The following RBFOX1 variants were observed in gnomAD, a reference collection of about 807,000 sequenced individuals.
The protein encoded by RBFOX1 is RNA binding protein fox-1 homolog 1.
In RBFOX1, 8 loss-of-function variants were observed where a neutral mutation model predicts 57.7. The ratio of observed to expected loss-of-function variants is 0.14; its 90% CI spans 0.08 to 0.25. The LOEUF (loss-of-function observed/expected upper bound fraction) is 0.25. Among genes scored for constraint, RBFOX1 ranks in the 10% least tolerant of loss-of-function variants. RBFOX1 has a pLI of 1.00. For synonymous variants in RBFOX1, 326 were observed against 222.4 expected (o/e 1.47, Z -4.15); for missense variants, 611 against 548.5 (o/e 1.11, Z -1.14).
At chr16:5,528,121 G>C (rs1273601223) in intron 2 of RBFOX1, among the ~76,000 whole-genome samples, 1 of 152,150 alleles carries the variant, frequency 6.6e-6, no homozygotes, top group Non-Finnish European at 1.5e-5. Context: ...CATGATTTCA[G>C]AGTGTCTGAA....
intron 14 of RBFOX1, among the ~76,000 whole-genome samples, chr16:7,704,657 G>T (rs1377739064): frequency 6.6e-6 from 1 of 152,182 alleles, no homozygotes; most frequent in African/African-American, 2.4e-5. Context: ...CGTTCCAGGA[G>T]GGTGAAAGGT....
intron 4 of RBFOX1, among the ~76,000 whole-genome samples, chr16:6,000,984 G>C (rs1392820085): frequency 1.3e-5 from 2 of 152,054 alleles, no homozygotes; most frequent in Non-Finnish European, 2.9e-5. Flanking sequence ...TGGGTGGATG[G>C]ATAGCTGGGT....
intron 2 of RBFOX1, among the ~76,000 whole-genome samples, chr16:5,496,603 G>A (rs1377280092): frequency 6.6e-6 from 1 of 152,112 alleles, no homozygotes; most frequent in Non-Finnish European, 1.5e-5. Context: ...AGTCACAGAT[G>A]TCGGCCACAG....
intron 4 of RBFOX1, among the ~76,000 whole-genome samples, chr16:7,377,729 C>G (rs1191619437): frequency 6.6e-6 from 1 of 152,146 alleles, no homozygotes. Context: ...ATTTCAGGCA[C>G]CAGAGACACA....
intron 3 of RBFOX1, among the ~76,000 whole-genome samples, chr16:6,842,809 TCTCC>T: frequency 6.6e-6 from 1 of 152,156 alleles, no homozygotes; most frequent in East Asian, 1.9e-4. Flanking sequence ...GTCCTAATGC[TCTCC>T]CTCCATGTTC....
intron 5 of RBFOX1, among the ~76,000 whole-genome samples, chr16:7,523,922 G>T (rs1262206518): frequency 6.6e-6 from 1 of 152,124 alleles, no homozygotes. Flanking sequence ...TTCACTCCAG[G>T]TTCTGAATTT....
intron 4 of RBFOX1, among the ~76,000 whole-genome samples, chr16:5,909,690 C>T (rs531785931): frequency 5.3e-5 from 8 of 152,314 alleles, no homozygotes; most frequent in Middle Eastern, 3.4e-3. Flanking sequence ...AGGGCAGATG[C>T]TTTGAGTGGC....
At chr16:6,445,723 C>G (rs1252461922) in intron 2 of RBFOX1, among the ~76,000 whole-genome samples, 1 of 152,082 alleles carries the variant, frequency 6.6e-6, no homozygotes, top group Non-Finnish European at 1.5e-5. Flanking sequence ...GCTGGGACTA[C>G]AGGCACACAC....
chr16:6,864,876 A>G, intron 3 of RBFOX1, among the ~76,000 whole-genome samples: 1 of 152,030 alleles, frequency 6.6e-6, no homozygotes, highest in Non-Finnish European at 1.5e-5. Context: ...ATGGATACTC[A>G]TCAAAACAAG....
At chr16:6,494,878 G>C (rs2095723044) in intron 2 of RBFOX1, among the ~76,000 whole-genome samples, 3 of 152,138 alleles carry the variant, frequency 2.0e-5, no homozygotes, top group Non-Finnish European at 4.4e-5. Context: ...CAGCATTTAT[G>C]TAGCATCCAC....
At chr16:6,797,167 T>G (rs777037872) in intron 3 of RBFOX1, among the ~76,000 whole-genome samples, 1 of 152,180 alleles carries the variant, frequency 6.6e-6, no homozygotes, top group Admixed American at 6.5e-5. Context: ...AGCAGCAGAA[T>G]TTGTTAGCAA....
chr16:6,580,720 A>G (rs942324660), intron 2 of RBFOX1, among the ~76,000 whole-genome samples: 10 of 152,158 alleles, frequency 6.6e-5, no homozygotes, highest in African/African-American at 2.4e-4. Flanking sequence ...TCTAGAGATG[A>G]GACCAGCTGA....
intron 1 of RBFOX1, among the ~76,000 whole-genome samples, chr16:5,314,807 C>CT (rs1404871632): frequency 1.4e-5 from 2 of 137,936 alleles, no homozygotes; most frequent in Admixed American, 8.0e-5. Context: ...GGCCTCATTT[C>CT]TTTTAAAACC....
intron 3 of RBFOX1, among the ~76,000 whole-genome samples, chr16:6,749,752 A>G (rs964163291): frequency 6.6e-6 from 1 of 152,200 alleles, no homozygotes; most frequent in African/African-American, 2.4e-5. Context: ...GCGACTTGGA[A>G]AGTTTTTCAG....
intron 4 of RBFOX1, among the ~76,000 whole-genome samples, chr16:7,424,512 G>A (rs1020836200): frequency 3.9e-5 from 6 of 152,138 alleles, no homozygotes; most frequent in African/African-American, 1.2e-4. Context: ...CACCCACCTC[G>A]GCTTCCAAAA....
At chr16:6,037,698 G>T (rs1002754190) in intron 1 of RBFOX1, 4 of 151,924 alleles carry the variant, frequency 2.6e-5, no homozygotes, top group African/African-American at 9.7e-5. Flanking sequence ...GGATTCAATC[G>T]ATTCTCCTGC....
chr16:6,828,171 T>A (rs1250174449), intron 3 of RBFOX1, among the ~76,000 whole-genome samples: 1 of 152,062 alleles, frequency 6.6e-6, no homozygotes, highest in African/African-American at 2.4e-5. Flanking sequence ...GACTCACAGA[T>A]GGAGTCTCAG....
intron 13 of RBFOX1, among the ~76,000 whole-genome samples, chr16:7,666,612 C>CAAAT (rs540538736): frequency 3.5e-4 from 53 of 152,034 alleles, no homozygotes; most frequent in Non-Finnish European, 5.0e-4. Context: ...GGAGCTCCCA[C>CAAAT]AAATAAGGAA....
intron 4 of RBFOX1, among the ~76,000 whole-genome samples, chr16:5,929,713 T>C (rs2152244386): frequency 6.6e-6 from 1 of 152,250 alleles, no homozygotes; most frequent in East Asian, 1.9e-4. Context: ...ATCTGTTTTT[T>C]TTATGTTAAA....
Sources: allele counts gnomAD v4.1 joint callset (sites outside exome capture counted in the v4.1 genomes callset), GRCh38; gene constraint gnomAD v4.1.1; transcripts MANE v1.5; gene names NCBI Gene and HGNC (gene_info 2026-07-23, HGNC 2026-07-21).